Variants in BBS9 observed in about 807,000 individuals in gnomAD.
BBS9 encodes Bardet-Biedl syndrome 9.
BBS9 carries 89 observed loss-of-function variants against 117.7 expected under a neutral mutation model. The observed-to-expected ratio is 0.76, with a 90% CI of 0.64 to 0.90. The LOEUF is 0.90. Among genes scored for constraint, BBS9 ranks in the 40% least tolerant of loss-of-function variants. BBS9 has a pLI of 0.00. For missense variants in BBS9, 982 were observed against 1,042.2 expected (o/e 0.94, Z 0.80); for synonymous variants, 379 against 370.9 (o/e 1.02, Z -0.25).
intron 20 of BBS9, among the ~76,000 whole-genome samples, chr7:33,521,070 T>C (rs1848522855): frequency 6.6e-6 from 1 of 152,206 alleles, no homozygotes; most frequent in Non-Finnish European, 1.5e-5. Flanking sequence ...TAATGCTTAG[T>C]CAAGGTGACT....
intron 21 of BBS9, among the ~76,000 whole-genome samples, chr7:33,570,173 A>G (rs949521138): frequency 2.0e-5 from 3 of 152,280 alleles, no homozygotes; most frequent in African/African-American, 7.2e-5. Flanking sequence ...AAAATTAAAT[A>G]CTTTAAAAAA....
chr7:33,337,826 C>T (rs1815693923), intron 10 of BBS9, among the ~76,000 whole-genome samples: 1 of 152,026 alleles, frequency 6.6e-6, no homozygotes, highest in Non-Finnish European at 1.5e-5. Context: ...GGAAGGGTGG[C>T]ATAGGCATGA....
At chr7:33,448,642 A>T (rs1296509059) in intron 19 of BBS9, among the ~76,000 whole-genome samples, 1 of 152,246 alleles carries the variant, frequency 6.6e-6, no homozygotes, top group Non-Finnish European at 1.5e-5. Context: ...AATGATGATT[A>T]TGCTAAACCA....
At chr7:33,535,253 G>A (rs1427693306) in intron 21 of BBS9, among the ~76,000 whole-genome samples, 1 of 152,120 alleles carries the variant, frequency 6.6e-6, no homozygotes, top group African/African-American at 2.4e-5. Flanking sequence ...AAAAATGAAT[G>A]TAATAACGCT....
At chr7:33,611,595 ATAT>A (rs1407318279) in intron 21 of BBS9, among the ~76,000 whole-genome samples, 129 of 103,668 alleles carry the variant, frequency 1.2e-3, no homozygotes, top group African/African-American at 6.6e-3. Flanking sequence ...TTATATAATA[ATAT>A]TATTTAATTA....
In BBS9 at chr7:33,336,536, TTCAA is replaced by T; in HGVS notation, c.1115_1118del (p.Gln372LeufsTer4). 6.2e-7 allele frequency: 1 copy of T among 1,613,558 alleles called. No individual in the cohort carries two copies. The highest frequency in any genetic ancestry group is 8.5e-7 in the Non-Finnish European group (1 of 1,179,622). On this transcript the variant is annotated frameshift_variant, in exon 10 of 23. Transcript: ENST00000242067. LOFTEE classifies it high-confidence loss of function. ...CCTTCTCTGTTCCAAGCTCCAAACG[TTCAA>T]TCTCGAGAACTAAACTATGATGAAC...
chr7:33,295,506 T>C (rs548998338), intron 9 of BBS9, among the ~76,000 whole-genome samples: 1 of 152,154 alleles, frequency 6.6e-6, no homozygotes, highest in East Asian at 1.9e-4. Flanking sequence ...TCCCCCCATC[T>C]TTTAAAATTT....
At chr7:33,222,927 T>A (rs1330185943) in intron 5 of BBS9, among the ~76,000 whole-genome samples, 1 of 149,844 alleles carries the variant, frequency 6.7e-6, no homozygotes, top group Non-Finnish European at 1.5e-5. Flanking sequence ...TACTCCAGCC[T>A]GGGCAACAGA....
At chr7:33,158,742 A>G (rs1262994371) in intron 4 of BBS9, among the ~76,000 whole-genome samples, 1 of 152,076 alleles carries the variant, frequency 6.6e-6, no homozygotes, top group East Asian at 1.9e-4. Context: ...TTTCTTATTC[A>G]GAGGGATTGA....
intron 19 of BBS9, among the ~76,000 whole-genome samples, chr7:33,497,449 AT>A (rs1441057976): frequency 1.3e-5 from 2 of 152,070 alleles, no homozygotes; most frequent in Non-Finnish European, 2.9e-5. Context: ...ATCAGCTGAT[AT>A]TTTTACACTG....
chr7:33,209,744 C>T (rs1214864654), intron 5 of BBS9, among the ~76,000 whole-genome samples: 2 of 152,046 alleles, frequency 1.3e-5, no homozygotes. Flanking sequence ...GTAAAGTCTC[C>T]TTTTTCCTCT....
intron 5 of BBS9, among the ~76,000 whole-genome samples, chr7:33,218,451 CT>C (rs1291734154): frequency 6.6e-6 from 1 of 152,178 alleles, no homozygotes; most frequent in African/African-American, 2.4e-5. Flanking sequence ...GCTTAAGCTC[CT>C]GGTAAGAAAG....
At chr7:33,621,388 A>G (rs1188338784) in intron 21 of BBS9, among the ~76,000 whole-genome samples, 3 of 152,226 alleles carry the variant, frequency 2.0e-5, no homozygotes, top group South Asian at 2.1e-4. Flanking sequence ...AAGGACCTGA[A>G]TAGACATTTC....
chr7:33,590,894 T>A (rs142937680), intron 21 of BBS9, among the ~76,000 whole-genome samples: 4,105 of 152,166 alleles, frequency 0.027, 79 homozygotes, highest in South Asian at 0.1. Context: ...GAGCTGGGAT[T>A]AAAATTCTGA....
chr7:33,434,286 A>G (rs993396773), intron 19 of BBS9, among the ~76,000 whole-genome samples: 13 of 152,130 alleles, frequency 8.5e-5, no homozygotes, highest in Middle Eastern at 3.4e-3. Context: ...GCTAAAAAAA[A>G]AAAAAAACTC....
At chr7:33,373,925 A>G (rs1004248354) in intron 17 of BBS9, among the ~76,000 whole-genome samples, 7 of 152,210 alleles carry the variant, frequency 4.6e-5, no homozygotes, top group African/African-American at 1.7e-4. Flanking sequence ...GAACTGTGTT[A>G]TACAAAGTAC....
At position 33,539,421 on chromosome 7, in the gene BBS9, C is replaced by T. The variant is rs571182914; in HGVS notation, c.2521+5245C>T. On this transcript the variant is annotated intron_variant, in intron 21 of 22. Transcript: ENST00000242067. ...CCAATCCTGCTGTGTCATGCTGTGC[C>T]GGGTGTGTACCTTGGGCTGTACTTG... is the stretch of plus-strand genomic sequence containing the variant. Among the ~76,000 whole-genome samples, 311 of 152,298 alleles carry T rather than the reference C, an allele frequency of 2.0e-3. 1 individual carries two copies. The highest frequency in any genetic ancestry group is 7.0e-3 in the African/African-American group (291 of 41,548).
At chr7:33,232,621 ATC>A (rs1792698812) in intron 5 of BBS9, among the ~76,000 whole-genome samples, 1 of 152,176 alleles carries the variant, frequency 6.6e-6, no homozygotes, top group Admixed American at 6.6e-5. Context: ...GTACAAGGAT[ATC>A]TCTGAGATAA....
chr7:33,348,544 A>G (rs548656367), intron 12 of BBS9, among the ~76,000 whole-genome samples: 1 of 152,250 alleles, frequency 6.6e-6, no homozygotes, highest in Non-Finnish European at 1.5e-5. Context: ...ATTTGTGTAT[A>G]AGATTTTGGG....
Sources: gnomAD v4.1 joint callset for allele counts (sites outside exome capture counted in the v4.1 genomes callset) on GRCh38, gnomAD v4.1.1 for gene constraint, MANE v1.5 for transcripts, NCBI Gene and HGNC (gene_info 2026-07-23, HGNC 2026-07-21) for gene names.